IGFBP7: variants seen among roughly 807,000 people sequenced by gnomAD.
The protein encoded by IGFBP7 is insulin-like growth factor-binding protein 7.
IGFBP7 carries 31 observed loss-of-function variants against 29.4 expected under a neutral mutation model. The ratio of observed to expected loss-of-function variants is 1.05; its 90% confidence interval spans 0.79 to 1.42. IGFBP7 has a LOEUF of 1.42. Among genes scored for constraint, IGFBP7 ranks in the 40% most tolerant of loss-of-function variants. IGFBP7 has a pLI of 0.00. For synonymous variants in IGFBP7, 172 were observed against 174.9 expected (o/e 0.98, Z 0.13); for missense variants, 393 against 395.5 (o/e 0.99, Z 0.05).
chr4:57,050,465 G>A (rs7688422), intron 1 of IGFBP7, among the ~76,000 whole-genome samples: 14,291 of 151,608 alleles, frequency 0.094, 821 homozygotes, highest in African/African-American at 0.15. Context: ...GGCTGGTCTC[G>A]AACTCCTGAC....
At chr4:57,070,144 C>T (rs570176612) in intron 1 of IGFBP7, among the ~76,000 whole-genome samples, 1 of 152,144 alleles carries the variant, frequency 6.6e-6, no homozygotes, top group East Asian at 1.9e-4. Context: ...TCAGCACCAG[C>T]CCTCTGTAGG....
chr4:57,030,928 C>A lies in IGFBP7; in HGVS notation c.*389G>T. On this transcript the variant is annotated 3_prime_UTR_variant, in exon 5 of 5. Coordinates refer to ENST00000295666, the MANE Select transcript of IGFBP7 (RefSeq NM_001553.3). Reference sequence around the variant, plus strand: ...CTTTGGTGCGAATGCCTTACGCATGCAAACTATTGTTTCAGGAACTTATGT... The same window carrying A: ...CTTTGGTGCGAATGCCTTACGCATGAAAACTATTGTTTCAGGAACTTATGT... 6.2e-7 allele frequency: 1 copy of A among 1,609,884 alleles called. No homozygotes were observed. The highest frequency in any genetic ancestry group is 8.5e-7 in the Non-Finnish European group (1 of 1,176,174).
chr4:57,056,371 T>C (rs2109760893), intron 1 of IGFBP7, among the ~76,000 whole-genome samples: 1 of 152,246 alleles, frequency 6.6e-6, no homozygotes, highest in Admixed American at 6.5e-5. Flanking sequence ...GGCTAGTTCT[T>C]CTCGTGTGTG....
chr4:57,079,732 C>G (rs1360990154), intron 1 of IGFBP7, among the ~76,000 whole-genome samples: 1 of 152,160 alleles, frequency 6.6e-6, no homozygotes, highest in Non-Finnish European at 1.5e-5. Flanking sequence ...TATCTTCTGT[C>G]CAACATCTAA....
intron 1 of IGFBP7, among the ~76,000 whole-genome samples, chr4:57,061,802 C>A (rs1438849171): frequency 1.3e-5 from 2 of 152,132 alleles, no homozygotes. Flanking sequence ...GGGCTTTACA[C>A]CTCCCAGATA....
chr4:57,088,366 T>C (rs1314208572), intron 1 of IGFBP7, among the ~76,000 whole-genome samples: 1 of 152,182 alleles, frequency 6.6e-6, no homozygotes, highest in Non-Finnish European at 1.5e-5. Flanking sequence ...AGGTAGGCTA[T>C]AAATTGTAAG....
intron 1 of IGFBP7, among the ~76,000 whole-genome samples, chr4:57,097,023 T>C (rs543129184): frequency 1.2e-3 from 190 of 152,324 alleles, no homozygotes; most frequent in Non-Finnish European, 2.2e-3. Flanking sequence ...TCTGCCAAAC[T>C]CTGTGATTTT....
At chr4:57,089,030 T>TGAA (rs1560506177) in intron 1 of IGFBP7, among the ~76,000 whole-genome samples, 1 of 48,708 alleles carries the variant, frequency 2.1e-5, no homozygotes, top group Non-Finnish European at 5.5e-5. Flanking sequence ...AGACTCTGTC[T>TGAA]CAAAAAAATA....
chr4:57,046,761 G>T (rs772919793), intron 1 of IGFBP7, among the ~76,000 whole-genome samples: 26 of 125,020 alleles, frequency 2.1e-4, no homozygotes, highest in Non-Finnish European at 3.6e-4. Flanking sequence ...ACCCACCCTC[G>T]GCAACTCCAG....
chr4:57,067,121 G>A (rs915234623), intron 1 of IGFBP7, among the ~76,000 whole-genome samples: 9 of 152,028 alleles, frequency 5.9e-5, no homozygotes, highest in African/African-American at 2.2e-4. Context: ...ATTATGAGTT[G>A]ACCCCAAGAA....
intron 1 of IGFBP7, among the ~76,000 whole-genome samples, chr4:57,088,307 A>G (rs556289421): frequency 2.6e-5 from 4 of 152,278 alleles, no homozygotes; most frequent in African/African-American, 9.6e-5. Flanking sequence ...CTATTGCTGT[A>G]TCTGAAAAGC....
In IGFBP7 at chr4:57,074,060, TCTCTC is replaced by T. The variant is rs1344602580; in HGVS notation, c.476-33132_476-33128del. On this transcript the variant is annotated intron_variant, in intron 1 of 4. Transcript: ENST00000295666. The stretch of plus-strand genomic sequence containing the variant: ...ATGCATCTCTCTCTCTCTCTCTCTC[TCTCTC>T]TCTTTTTTCTTTTGAGACACAGTCT... Among the ~76,000 whole-genome samples the T allele has an allele frequency of 5.7e-3, 67 of 11,852 alleles. 1 individual carries two copies. In the South Asian group the frequency reaches 0.058, roughly 10 times the overall value. The allele number at this position is 11,852 out of a possible 152,430, so 7.8% of individuals were successfully genotyped here.
chr4:57,035,308 G>T (rs145934049), intron 2 of IGFBP7, among the ~76,000 whole-genome samples: 1 of 152,090 alleles, frequency 6.6e-6, no homozygotes, highest in African/African-American at 2.4e-5. Context: ...TTGGCATGGC[G>T]TATTTTAATT....
chr4:57,044,504 G>A (rs1724311629), intron 1 of IGFBP7, among the ~76,000 whole-genome samples: 2 of 152,082 alleles, frequency 1.3e-5, no homozygotes, highest in Non-Finnish European at 2.9e-5. Flanking sequence ...TTAAGTTTTT[G>A]CTCCATCTTG....
At chr4:57,041,273 T>C (rs566926248) in intron 1 of IGFBP7, among the ~76,000 whole-genome samples, 2 of 152,336 alleles carry the variant, frequency 1.3e-5, no homozygotes, top group African/African-American at 2.4e-5. Context: ...AGTTCCAAAA[T>C]GTTCAATGTT....
At chr4:57,032,648 AC>A in intron 3 of IGFBP7, 96 bp from the exon 4 acceptor site, 1 of 981,298 alleles carries the variant, frequency 1.0e-6, no homozygotes, top group Non-Finnish European at 1.6e-6. Context: ...TCCTAAGATG[AC>A]CAGGGGATTC....
chr4:57,093,840 C>CT (rs1339432050), intron 1 of IGFBP7, among the ~76,000 whole-genome samples: 1 of 152,096 alleles, frequency 6.6e-6, no homozygotes, highest in Non-Finnish European at 1.5e-5. Flanking sequence ...TATGTACTAC[C>CT]ACACCTCTAG....
At chr4:57,056,889 T>G (rs1724687229) in intron 1 of IGFBP7, among the ~76,000 whole-genome samples, 1 of 152,276 alleles carries the variant, frequency 6.6e-6, no homozygotes, top group Non-Finnish European at 1.5e-5. Flanking sequence ...GTGATTATTT[T>G]TCTTTAATTA....
chr4:57,031,245 A>T lies in IGFBP7; in HGVS notation c.*72T>A. 1.6e-6 allele frequency: 2 copies of T among 1,248,980 alleles called. No homozygotes were observed. Among genetic ancestry groups the T allele is most frequent in the Middle Eastern group, 1.9e-4 (1 of 5,302 alleles). The allele number at this position is 1,248,980 out of a possible 1,614,324, so 77.4% of individuals were successfully genotyped here. ...TAGTGGATTGGATTAAAAGAAACTT[A>T]TTAGGCAAGAACAGGTAATGTAGTT... is the stretch of plus-strand genomic sequence containing the variant. On this transcript the variant is annotated 3_prime_UTR_variant, in exon 5 of 5. Coordinates refer to ENST00000295666, the MANE Select transcript of IGFBP7 (RefSeq NM_001553.3).
Sources: gnomAD v4.1 joint callset for allele counts (sites outside exome capture counted in the v4.1 genomes callset) on GRCh38, gnomAD v4.1.1 for gene constraint, MANE v1.5 for transcripts, NCBI Gene and HGNC (gene_info 2026-07-23, HGNC 2026-07-21) for gene names.